Variants in NAV2 observed in about 807,000 individuals in gnomAD.
NAV2 encodes the protein helicase, APC down-regulated 1.
Under a neutral mutation model 223.2 loss-of-function variants are expected in NAV2, and 54 were observed. The observed-to-expected ratio is 0.24, with a 90% CI of 0.19 to 0.30. NAV2 has a LOEUF of 0.30. NAV2 is among the 10% of genes least tolerant of loss of function. The pLI, the probability that NAV2 is intolerant of heterozygous loss-of-function variation, is 1.00. For missense variants in NAV2, 2,806 were observed against 3,147.5 expected (o/e 0.89, Z 2.60); for synonymous variants, 1,279 against 1,239.3 (o/e 1.03, Z -0.67).
At chr11:19,507,965 A>G (rs1041674779) in intron 1 of NAV2, among the ~76,000 whole-genome samples, 2 of 152,218 alleles carry the variant, frequency 1.3e-5, no homozygotes, top group African/African-American at 4.8e-5. Flanking sequence ...CCTTATACAC[A>G]GTGCCCCTGG....
chr11:19,701,365 G>C (rs1466954922), intron 1 of NAV2, among the ~76,000 whole-genome samples: 1 of 152,202 alleles, frequency 6.6e-6, no homozygotes, highest in Non-Finnish European at 1.5e-5. Context: ...AGCTTTGTCG[G>C]CCAGCCGCCT....
intron 6 of NAV2, among the ~76,000 whole-genome samples, chr11:19,911,833 G>A (rs183825837): frequency 9.2e-5 from 14 of 152,254 alleles, no homozygotes; most frequent in African/African-American, 1.7e-4. Context: ...AAGGGAGAGC[G>A]CATCTTGATC....
At chr11:19,587,334 G>T (rs1042717411) in intron 1 of NAV2, among the ~76,000 whole-genome samples, 7 of 152,192 alleles carry the variant, frequency 4.6e-5, no homozygotes. Flanking sequence ...CCCGGGTGAG[G>T]CGATGCCTTG....
chr11:19,520,179 G>A (rs1215118299), intron 1 of NAV2, among the ~76,000 whole-genome samples: 1 of 152,160 alleles, frequency 6.6e-6, no homozygotes, highest in Non-Finnish European at 1.5e-5. Flanking sequence ...AGGGACCCCT[G>A]GAAGGATATG....
At chr11:20,024,851 A>G (rs900345852) in intron 11 of NAV2, among the ~76,000 whole-genome samples, 4 of 152,124 alleles carry the variant, frequency 2.6e-5, no homozygotes, top group African/African-American at 9.7e-5. Flanking sequence ...GTCCCATTCT[A>G]CTTAGTTTTA....
chr11:19,804,597 TTGG>T (rs1241518022), intron 1 of NAV2, among the ~76,000 whole-genome samples: 1 of 152,216 alleles, frequency 6.6e-6, no homozygotes, highest in African/African-American at 2.4e-5. Context: ...ATGTGTTCCC[TTGG>T]TGGTTTCTTT....
At position 19,994,595 on chromosome 11, in the gene NAV2, G is replaced by A. The variant is rs545041602; in HGVS notation, c.2768+10348G>A. Among the ~76,000 whole-genome samples, 10 of 151,488 alleles carry A rather than the reference G, an allele frequency of 6.6e-5. No homozygotes were observed. The East Asian group carries it at 1.9e-3, about 29-fold the overall frequency. On this transcript the variant is annotated intron_variant, in intron 11 of 37. Transcript: ENST00000349880. ...GAGTAAAAAAAGAAAGGTCAGCCTA[G>A]CCATGATTTCTGTTACTGAAATGTA...
intron 36 of NAV2, among the ~76,000 whole-genome samples, chr11:20,110,805 C>T (rs2062563309): frequency 6.6e-6 from 1 of 152,134 alleles, no homozygotes; most frequent in Non-Finnish European, 1.5e-5. Context: ...GGTCACCTGC[C>T]CCTCACCTAA....
At chr11:19,616,823 T>G (rs963069512) in intron 1 of NAV2, among the ~76,000 whole-genome samples, 1 of 152,172 alleles carries the variant, frequency 6.6e-6, no homozygotes, top group African/African-American at 2.4e-5. Context: ...GTTTTTATGC[T>G]GAATTGAGGC....
intron 2 of NAV2, among the ~76,000 whole-genome samples, chr11:19,840,242 G>A (rs1460629662): frequency 6.6e-6 from 1 of 152,108 alleles, no homozygotes; most frequent in African/African-American, 2.4e-5. Context: ...TACCCCATCA[G>A]TTTATTTTGA....
intron 3 of NAV2, among the ~76,000 whole-genome samples, chr11:19,850,920 T>C (rs2061082627): frequency 6.6e-6 from 1 of 152,220 alleles, no homozygotes; most frequent in African/African-American, 2.4e-5. Context: ...TAGACCTTGA[T>C]GCCATTTAAT....
chr11:19,938,500 G>C (rs1373666569), intron 7 of NAV2, among the ~76,000 whole-genome samples: 5 of 152,200 alleles, frequency 3.3e-5, no homozygotes. Flanking sequence ...TTTACTGGAC[G>C]AAGGCAGAAA....
chr11:19,616,059 C>T (rs1337403417), intron 1 of NAV2, among the ~76,000 whole-genome samples: 3 of 152,108 alleles, frequency 2.0e-5, no homozygotes, highest in Non-Finnish European at 4.4e-5. Flanking sequence ...AGGGGCATTG[C>T]TCCAGGGTGC....
At chr11:19,990,739 C>G (rs974961737) in intron 11 of NAV2, among the ~76,000 whole-genome samples, 1 of 152,174 alleles carries the variant, frequency 6.6e-6, no homozygotes, top group Non-Finnish European at 1.5e-5. Flanking sequence ...ATGGCCACCA[C>G]TATTTAAAAT....
chr11:19,772,321 G>A (rs1313590931), intron 1 of NAV2, among the ~76,000 whole-genome samples: 1 of 152,164 alleles, frequency 6.6e-6, no homozygotes, highest in Non-Finnish European at 1.5e-5. Context: ...CAGAAATAGG[G>A]GACCAGGCAG....
chr11:19,942,265 T>C (rs1184693511), intron 8 of NAV2, among the ~76,000 whole-genome samples: 2 of 152,204 alleles, frequency 1.3e-5, no homozygotes, highest in African/African-American at 4.8e-5. Flanking sequence ...CACCTAAGCA[T>C]GTCAGGTGGG....
chr11:19,947,944 G>T (rs2047062907), intron 9 of NAV2, among the ~76,000 whole-genome samples: 1 of 152,142 alleles, frequency 6.6e-6, no homozygotes, highest in Non-Finnish European at 1.5e-5. Flanking sequence ...CTCCCGGTGG[G>T]TGGAGAATCC....
intron 1 of NAV2, among the ~76,000 whole-genome samples, chr11:19,510,275 C>T (rs2043238153): frequency 6.6e-6 from 1 of 152,196 alleles, no homozygotes; most frequent in Non-Finnish European, 1.5e-5. Flanking sequence ...CACAGTTACA[C>T]TATGAGTTTG....
At chr11:20,044,879 G>C in intron 13 of NAV2, 89 bp from the exon 14 acceptor site, 1 of 1,096,268 alleles carries the variant, frequency 9.1e-7, no homozygotes, top group Non-Finnish European at 1.3e-6. Context: ...AAGTGAACCA[G>C]CTCTTCAGAG....
Sources: gnomAD v4.1 joint callset for allele counts (sites outside exome capture counted in the v4.1 genomes callset) on GRCh38, gnomAD v4.1.1 for gene constraint, MANE v1.5 for transcripts, NCBI Gene and HGNC (gene_info 2026-07-23, HGNC 2026-07-21) for gene names.